Variants in HDHD2 observed in about 807,000 individuals in gnomAD.
HDHD2 encodes haloacid dehalogenase like hydrolase domain containing 2, also known as haloacid dehalogenase-like hydrolase domain-containing protein 2.
Under a neutral mutation model 24.8 loss-of-function variants are expected in HDHD2, and 26 were observed. The ratio of observed to expected loss-of-function variants is 1.05; its 90% CI spans 0.77 to 1.45. The LOEUF (loss-of-function observed/expected upper bound fraction) is 1.45, where lower values mean the gene tolerates loss of function less well. HDHD2 is among the 40% of genes most tolerant of loss of function. HDHD2 has a pLI of 0.00. For synonymous variants in HDHD2, 128 were observed against 114.9 expected, an observed-to-expected ratio of 1.11 and a Z score of -0.73; for missense variants, 299 against 313.4, an observed-to-expected ratio of 0.95 and a Z score of 0.35.
chr18:47,147,449 G>GATTAAATA (rs1414808456), intron 1 of HDHD2, among the ~76,000 whole-genome samples: 1 of 152,112 alleles, frequency 6.6e-6, no homozygotes, highest in Non-Finnish European at 1.5e-5. Flanking sequence ...ATTCCATTTG[G>GATTAAATA]ATGTGTAATA....
chr18:47,114,366 T>A (rs1360187352), intron 5 of HDHD2, among the ~76,000 whole-genome samples: 1 of 152,226 alleles, frequency 6.6e-6, no homozygotes, highest in Non-Finnish European at 1.5e-5. Flanking sequence ...GTGATTCACC[T>A]CTTTGGGCTT....
At chr18:47,128,878 G>C (rs1489374115) in intron 4 of HDHD2, among the ~76,000 whole-genome samples, 1 of 152,194 alleles carries the variant, frequency 6.6e-6, no homozygotes, top group Non-Finnish European at 1.5e-5. Context: ...CCTGGGTAGT[G>C]AGTTTTAGTT....
At chr18:47,146,653 T>A (rs2063873612) in intron 1 of HDHD2, among the ~76,000 whole-genome samples, 1 of 151,966 alleles carries the variant, frequency 6.6e-6, no homozygotes, top group Admixed American at 6.5e-5. Context: ...CAGAAAAAAA[T>A]GGCAGTAGAA....
chr18:47,145,744 A>C (rs904246282), intron 1 of HDHD2, among the ~76,000 whole-genome samples: 1 of 152,234 alleles, frequency 6.6e-6, no homozygotes, highest in Non-Finnish European at 1.5e-5. Flanking sequence ...AGCACAAACC[A>C]TTGAAGAAAA....
At chr18:47,144,585 T>C (rs2063849997) in intron 1 of HDHD2, among the ~76,000 whole-genome samples, 1 of 151,884 alleles carries the variant, frequency 6.6e-6, no homozygotes, top group South Asian at 2.1e-4. Flanking sequence ...ACAGCAAATA[T>C]AAACCCTCCC....
At chr18:47,130,072 A>G (rs977449962) in intron 4 of HDHD2, among the ~76,000 whole-genome samples, 172 bp downstream of exon 4, 1 of 152,150 alleles carries the variant, frequency 6.6e-6, no homozygotes. Context: ...ACTCACACAA[A>G]AAAGTCAAGA....
At chr18:47,149,861 C>A (rs569192832) in intron 1 of HDHD2, among the ~76,000 whole-genome samples, 1 of 152,312 alleles carries the variant, frequency 6.6e-6, no homozygotes, top group South Asian at 2.1e-4. Flanking sequence ...GCCTTTCCCA[C>A]TGGGTTATTT....
chr18:47,140,500 T>C (rs1013438131), intron 1 of HDHD2, among the ~76,000 whole-genome samples: 8 of 152,200 alleles, frequency 5.3e-5, no homozygotes, highest in African/African-American at 1.4e-4. Flanking sequence ...GTTGTTTTTG[T>C]CTTATATCCT....
intron 1 of HDHD2, among the ~76,000 whole-genome samples, chr18:47,143,264 C>T (rs977945765): frequency 6.6e-6 from 1 of 151,982 alleles, no homozygotes. Context: ...CCAGCCTGGG[C>T]CATAAAGCGA....
chr18:47,128,178 G>A (rs2063678299), intron 4 of HDHD2, among the ~76,000 whole-genome samples: 1 of 152,168 alleles, frequency 6.6e-6, no homozygotes, highest in African/African-American at 2.4e-5. Flanking sequence ...AATATGGTTA[G>A]GAAAGTGTAC....
intron 1 of HDHD2, among the ~76,000 whole-genome samples, chr18:47,145,013 G>C (rs2063855549): frequency 1.3e-5 from 2 of 152,122 alleles, no homozygotes; most frequent in Non-Finnish European, 2.9e-5. Flanking sequence ...CAAAAGGCAA[G>C]ATCAAAAATA....
intron 1 of HDHD2, among the ~76,000 whole-genome samples, chr18:47,149,302 T>A (rs887893512): frequency 6.6e-6 from 1 of 152,194 alleles, no homozygotes; most frequent in African/African-American, 2.4e-5. Context: ...AATTTTCCCT[T>A]GGGAAATTGG....
chr18:47,135,243 G>A (rs2063753390), intron 2 of HDHD2, among the ~76,000 whole-genome samples: 1 of 150,168 alleles, frequency 6.7e-6, no homozygotes. Context: ...TGTGATATGA[G>A]TCACTAGATT....
intron 1 of HDHD2, among the ~76,000 whole-genome samples, chr18:47,149,385 CT>C (rs1032502390): frequency 6.6e-6 from 1 of 152,132 alleles, no homozygotes; most frequent in African/African-American, 2.4e-5. Flanking sequence ...TGGTTCCAGA[CT>C]TTTCTGGAAC....
rs368980222 is a variant in HDHD2 at position 47,136,597 on chromosome 18, A to C, written c.-10-148T>G. 2.1e-4 allele frequency: 118 copies of C among 564,660 alleles called. 1 individual carries two copies. In the East Asian group the frequency reaches 2.8e-3, roughly 14 times the overall value. The allele number at this position is 564,660 out of a possible 1,614,324, so 35.0% of individuals were successfully genotyped here. On this transcript the variant is annotated intron_variant, in intron 1 of 6. Coordinates refer to ENST00000300605, the MANE Select transcript of HDHD2 (RefSeq NM_032124.5). ...ATTTTGGAGAAAACTGGTTTTAAAAATTACAAATCCAAAATTTGATCCATA... is the reference window on the plus strand; with the variant it reads ...ATTTTGGAGAAAACTGGTTTTAAAACTTACAAATCCAAAATTTGATCCATA...
rs752470436 is a variant in HDHD2 at position 47,108,734 on chromosome 18, G to A, written c.728C>T (p.Thr243Ile). ...EEKINPPPYL[T>I]CESFPHAVDH... ...CACAGCATGAGGGAAACTCTCACAA[G>A]TTAAGTAAGGAGGTGGATTAATTTT... The change falls in exon 7 of 7, where the codon ACT becomes ATT. Residue 243 changes from threonine (T) to isoleucine (I), a missense_variant. Transcript: ENST00000300605. 2 of 1,611,448 alleles carry A rather than the reference G, an allele frequency of 1.2e-6. No individual in the cohort carries two copies. Among genetic ancestry groups the A allele is most frequent in the South Asian group, 1.1e-5 (1 of 90,818 alleles).
intron 4 of HDHD2, among the ~76,000 whole-genome samples, chr18:47,122,403 T>A (rs2063615575): frequency 6.6e-6 from 1 of 152,134 alleles, no homozygotes; most frequent in African/African-American, 2.4e-5. Flanking sequence ...TTTAACAGCA[T>A]CCCTGGCCTC....
intron 1 of HDHD2, among the ~76,000 whole-genome samples, chr18:47,149,552 C>T (rs2063908580): frequency 6.6e-6 from 1 of 152,166 alleles, no homozygotes; most frequent in Admixed American, 6.5e-5. Context: ...TCTCTACTAG[C>T]ACCCAAGTTC....
chr18:47,128,448 T>C (rs777734817), intron 4 of HDHD2, among the ~76,000 whole-genome samples: 23 of 152,216 alleles, frequency 1.5e-4, no homozygotes, highest in Non-Finnish European at 2.9e-5. Flanking sequence ...GGTATAGTTG[T>C]AGAACTTACT....
Sources: allele counts gnomAD v4.1 joint callset (sites outside exome capture counted in the v4.1 genomes callset), GRCh38; gene constraint gnomAD v4.1.1; transcripts MANE v1.5; gene names NCBI Gene and HGNC (gene_info 2026-07-23, HGNC 2026-07-21).